The following GRAMD1B variants were observed in gnomAD, a reference collection of about 807,000 sequenced individuals.
The protein encoded by GRAMD1B is protein Aster-B.
Under a neutral mutation model 99.7 loss-of-function variants are expected in GRAMD1B, and 37 were observed. That is an observed-to-expected ratio of 0.37 (90% CI 0.29 to 0.49). The LOEUF (loss-of-function observed/expected upper bound fraction) is 0.49, where lower values mean the gene tolerates loss of function less well. Ranked by LOEUF, GRAMD1B falls within the 20% of genes least tolerant of loss-of-function variation. The probability of loss-of-function intolerance (pLI) is 0.98; values close to 1 mark genes in which losing one functional copy is unlikely to be tolerated. For synonymous variants in GRAMD1B, 427 were observed against 387.6 expected, an observed-to-expected ratio of 1.10 and a Z score of -1.19; for missense variants, 888 against 1,009.2, an observed-to-expected ratio of 0.88 and a Z score of 1.63.
intron 3 of GRAMD1B, among the ~76,000 whole-genome samples, chr11:123,580,196 G>T (rs988805697): frequency 6.6e-6 from 1 of 152,218 alleles, no homozygotes; most frequent in Non-Finnish European, 1.5e-5. Flanking sequence ...ATTGGCCTGG[G>T]ACGTGCATGT....
intron 1 of GRAMD1B, among the ~76,000 whole-genome samples, chr11:123,479,266 T>G (rs1032862329): frequency 6.6e-6 from 1 of 152,198 alleles, no homozygotes; most frequent in Non-Finnish European, 1.5e-5. Flanking sequence ...GTTAATTGCC[T>G]TTCAGGTCAT....
At chr11:123,602,305 A>ATTATTATTG (rs1436894768) in intron 8 of GRAMD1B, among the ~76,000 whole-genome samples, 7 of 136,432 alleles carry the variant, frequency 5.1e-5, no homozygotes, top group Non-Finnish European at 1.1e-4. Context: ...CTCTCAAATT[A>ATTATTATTG]TTATTATTAT....
chr11:123,561,998 A>C (rs1229979846), intron 2 of GRAMD1B, among the ~76,000 whole-genome samples: 2 of 152,160 alleles, frequency 1.3e-5, no homozygotes, highest in Non-Finnish European at 2.9e-5. Flanking sequence ...GCATTTAAGC[A>C]ACTGCAAAAC....
intron 2 of GRAMD1B, chr11:123,509,921 C>A (rs1357247837): frequency 1.2e-4 from 18 of 152,336 alleles, no homozygotes; most frequent in Admixed American, 1.2e-3. Context: ...AGGCTGCCGG[C>A]TGCTCTCATG....
intron 2 of GRAMD1B, among the ~76,000 whole-genome samples, chr11:123,551,931 T>C (rs1455344229): frequency 6.6e-6 from 1 of 152,232 alleles, no homozygotes; most frequent in African/African-American, 2.4e-5. Context: ...GCTCCATATA[T>C]GTATGCTCCT....
chr11:123,424,582 C>G (rs1043146020), intron 1 of GRAMD1B, among the ~76,000 whole-genome samples: 1 of 152,206 alleles, frequency 6.6e-6, no homozygotes, highest in African/African-American at 2.4e-5. Context: ...TTATCTTTTC[C>G]TATTTTCAAA....
intron 2 of GRAMD1B, among the ~76,000 whole-genome samples, chr11:123,512,560 A>G (rs1941135678): frequency 1.3e-5 from 2 of 152,190 alleles, no homozygotes; most frequent in African/African-American, 2.4e-5. Flanking sequence ...TCTACAAAAA[A>G]TGAAAAATTA....
chr11:123,450,176 T>C lies in GRAMD1B; in HGVS notation c.374+19010T>C, dbSNP rs116684016. On this transcript the variant is annotated intron_variant, in intron 1 of 19. Coordinates refer to ENST00000635736, the MANE Select transcript of GRAMD1B (RefSeq NM_001387025.1). ...TTTGATGGTGGACCCAGGGCCCTGGTATAGTCTGCAAACAGCAGTTAGGTT... is the reference window on the plus strand; with the variant it reads ...TTTGATGGTGGACCCAGGGCCCTGGCATAGTCTGCAAACAGCAGTTAGGTT... Among the ~76,000 whole-genome samples the C allele has an allele frequency of 4.0e-3, 603 of 152,216 alleles. 4 individuals are homozygous for C. The highest frequency in any genetic ancestry group is 0.014 in the African/African-American group (576 of 41,534).
At chr11:123,434,286 T>C (rs1949059188) in intron 1 of GRAMD1B, among the ~76,000 whole-genome samples, 1 of 148,270 alleles carries the variant, frequency 6.7e-6, no homozygotes, top group African/African-American at 2.5e-5. Context: ...AACATATGTA[T>C]CTGAAAAGGC....
intron 4 of GRAMD1B, among the ~76,000 whole-genome samples, chr11:123,586,857 C>A (rs1256335746): frequency 6.6e-6 from 1 of 152,236 alleles, no homozygotes; most frequent in African/African-American, 2.4e-5. Context: ...CTCCGGATCC[C>A]AGGGTCAGTG....
chr11:123,569,933 C>G (rs1056001542), intron 2 of GRAMD1B, among the ~76,000 whole-genome samples: 3 of 152,214 alleles, frequency 2.0e-5, no homozygotes, highest in Non-Finnish European at 4.4e-5. Context: ...GATGTCCCAT[C>G]GGGTTCTGCC....
chr11:123,523,332 AAAAT>A (rs1591809188), intron 2 of GRAMD1B, among the ~76,000 whole-genome samples: 1 of 152,322 alleles, frequency 6.6e-6, no homozygotes, highest in Non-Finnish European at 1.5e-5. Context: ...ACTCCATCTC[AAAAT>A]AAATAAATAA....
At position 123,488,417 on chromosome 11, in the gene GRAMD1B, T is replaced by C. The variant is rs188360529; in HGVS notation, c.452+7524T>C. ...CTCCAGGCCGGGCATTTGGGCATGGTATAATGGAAAACCTGTGGCCTGGCA... is the reference window on the plus strand; with the variant it reads ...CTCCAGGCCGGGCATTTGGGCATGGCATAATGGAAAACCTGTGGCCTGGCA... On this transcript the variant is annotated intron_variant, in intron 2 of 19. Coordinates refer to ENST00000635736, the MANE Select transcript of GRAMD1B (RefSeq NM_001387025.1). Among the ~76,000 whole-genome samples, 337 of 152,202 alleles carry C rather than the reference T, an allele frequency of 2.2e-3. 1 individual carries two copies. The highest frequency in any genetic ancestry group is 7.7e-3 in the African/African-American group (318 of 41,524).
At chr11:123,469,482 T>G (rs1483988600) in intron 1 of GRAMD1B, among the ~76,000 whole-genome samples, 1 of 152,126 alleles carries the variant, frequency 6.6e-6, no homozygotes, top group Non-Finnish European at 1.5e-5. Context: ...AAGTAAGGTC[T>G]GTAGGACTTG....
chr11:123,429,857 A>C (rs759642810), upstream of GRAMD1B, among the ~76,000 whole-genome samples: 1 of 151,992 alleles, frequency 6.6e-6, no homozygotes, highest in Non-Finnish European at 1.5e-5. The surrounding 1 kb of genome is among the most constrained non-coding windows in gnomAD (Gnocchi z 4.0). Context: ...GCCACTACTC[A>C]CGCCCCCAAA....
intron 1 of GRAMD1B, among the ~76,000 whole-genome samples, chr11:123,370,371 C>T (rs1365669784): frequency 7.7e-6 from 1 of 129,062 alleles, no homozygotes; most frequent in African/African-American, 3.1e-5. Context: ...GACAGATTCT[C>T]ACTCTGTCGC....
intron 4 of GRAMD1B, among the ~76,000 whole-genome samples, chr11:123,589,743 C>T (rs1011039738): frequency 6.6e-6 from 1 of 151,732 alleles, no homozygotes; most frequent in East Asian, 1.9e-4. Context: ...ATTACAAGCA[C>T]GAGCCACTGT....
At position 123,618,795 on chromosome 11, in the gene GRAMD1B, A is replaced by G. The variant is rs752169349; in HGVS notation, c.2421A>G (p.Gln807=). The G allele has an allele frequency of 4.8e-5, 73 of 1,517,896 alleles. No individual in the cohort carries two copies. The highest frequency in any genetic ancestry group is 9.3e-5 in the Admixed American group (5 of 53,602). The allele number at this position is 1,517,896 out of a possible 1,614,324, so 94.0% of individuals were successfully genotyped here. ...CTGCCTGGCAGGGTCTAAGGCTCCA[A>G]GAAAGGTAATCCTGGCCTCGTCCCC... ...TLTAWQGLRL[Q]ERLPQSQTEW... The change falls in exon 18 of 20, where the codon CAA becomes CAG. Residue 807 remains glutamine (Q), a synonymous_variant. Coordinates refer to ENST00000635736, the MANE Select transcript of GRAMD1B (RefSeq NM_001387025.1).
rs540751481 is a variant in GRAMD1B at position 123,543,642 on chromosome 11, T to G, written c.453-33725T>G. ...GTTGGCTGGTGTTAGCCAGAAACTT[T>G]TCTTGGAAGTCAAGTAACTGGGTAA... On this transcript the variant is annotated intron_variant, in intron 2 of 19. Transcript: ENST00000635736. Among the ~76,000 whole-genome samples the G allele has an allele frequency of 5.3e-5, 8 of 152,350 alleles. No homozygotes were observed. The East Asian group carries it at 1.5e-3, about 29-fold the overall frequency.
Sources: gnomAD v4.1 joint callset for allele counts (sites outside exome capture counted in the v4.1 genomes callset) on GRCh38, gnomAD v4.1.1 for gene constraint, Gnocchi (gnomAD v3.1) non-coding constraint, MANE v1.5 for transcripts, NCBI Gene and HGNC (gene_info 2026-07-23, HGNC 2026-07-21) for gene names.